BIN2: variants seen among roughly 807,000 people sequenced by gnomAD.
BIN2 encodes breast cancer associated protein BRAP1.
A neutral mutation model predicts 67.9 loss-of-function variants in BIN2; 43 were observed. The observed-to-expected ratio is 0.63, with a 90% CI of 0.50 to 0.82. The LOEUF (loss-of-function observed/expected upper bound fraction) is 0.82. Among genes scored for constraint, BIN2 ranks in the 40% least tolerant of loss-of-function variants. BIN2 has a pLI of 0.00. For synonymous variants in BIN2, 244 were observed against 246.8 expected (o/e 0.99, Z 0.11); for missense variants, 581 against 671.6 (o/e 0.87, Z 1.49).
chr12:51,294,319 A>C (rs1945473317), intron 9 of BIN2, among the ~76,000 whole-genome samples: 1 of 152,354 alleles, frequency 6.6e-6, no homozygotes, highest in African/African-American at 2.4e-5. Context: ...CGGTAATCCC[A>C]GCACTCTGGG....
intron 11 of BIN2, among the ~76,000 whole-genome samples, chr12:51,287,009 A>G (rs1159842101): frequency 6.6e-6 from 1 of 151,916 alleles, no homozygotes; most frequent in Non-Finnish European, 1.5e-5. Flanking sequence ...TTTTGTAGAG[A>G]TGGGTTTTTC....
chr12:51,300,314 C>T (rs1255982000), intron 5 of BIN2, among the ~76,000 whole-genome samples: 1 of 151,920 alleles, frequency 6.6e-6, no homozygotes, highest in African/African-American at 2.4e-5. Context: ...CTCCACCTCC[C>T]GCTGTATTAA....
chr12:51,317,937 G>A (rs1001145322), intron 1 of BIN2, among the ~76,000 whole-genome samples: 4 of 152,190 alleles, frequency 2.6e-5, no homozygotes, highest in South Asian at 2.1e-4. Flanking sequence ...GCAGTGACCC[G>A]AGATAGCGCC....
At chr12:51,301,905 C>T in intron 5 of BIN2, 115 bp downstream of exon 5, 1 of 727,506 alleles carries the variant, frequency 1.4e-6, no homozygotes, top group Non-Finnish European at 2.3e-6. Context: ...TCCTAACTTA[C>T]CCAAACTTCA....
chr12:51,288,030 C>A (rs1945283917), intron 11 of BIN2, 78 bp downstream of exon 11: 3 of 1,065,956 alleles, frequency 2.8e-6, no homozygotes, highest in Non-Finnish European at 4.2e-6. Flanking sequence ...GAAAGATATA[C>A]TTCTGGAAAA....
At chr12:51,311,772 A>ATTT (rs146519794) in intron 2 of BIN2, among the ~76,000 whole-genome samples, 105 of 151,308 alleles carry the variant, frequency 6.9e-4, no homozygotes, top group Non-Finnish European at 1.3e-3. Context: ...ATTGATAATG[A>ATTT]ATTTTTTTTT....
intron 1 of BIN2, among the ~76,000 whole-genome samples, chr12:51,314,871 G>C (rs1946082062): frequency 6.6e-6 from 1 of 151,622 alleles, no homozygotes; most frequent in African/African-American, 2.4e-5. Context: ...TATTTTATTT[G>C]AGACAGGGTC....
At chr12:51,286,248 C>T (rs1028799393) in intron 11 of BIN2, among the ~76,000 whole-genome samples, 9 of 152,082 alleles carry the variant, frequency 5.9e-5, no homozygotes, top group African/African-American at 1.7e-4. Flanking sequence ...GGGAAGTGAG[C>T]ATACACAGGC....
intron 2 of BIN2, among the ~76,000 whole-genome samples, chr12:51,313,211 G>GAAGGAAGT (rs1946039167): frequency 7.1e-6 from 1 of 140,334 alleles, no homozygotes; most frequent in African/African-American, 2.5e-5. Context: ...AGGAAGGAAG[G>GAAGGAAGT]AAGGAAGGAA....
rs1183266734 is a variant in BIN2, at chr12:51,295,575, AAAATATATATATATATATATATAT to A, written c.761+197_761+220del. Among the ~76,000 whole-genome samples, 28 of 18,274 alleles carry A rather than the reference AAAATATATATATATATATATATAT, an allele frequency of 1.5e-3. 2 individuals carry two copies. The highest frequency in any genetic ancestry group is 4.7e-3 in the African/African-American group (21 of 4,456). 12.0% of individuals were successfully genotyped at this position (18,274 alleles called of 152,430 possible). On this transcript the variant is annotated intron_variant, in intron 9 of 12. Coordinates refer to ENST00000615107, the MANE Select transcript of BIN2 (RefSeq NM_016293.4). ...GAGACTCCGTCTCAAAAAAAAAAAAAAAATATATATATATATATATATATATATATATATATATATATATATATA... is the reference window on the plus strand; with the variant it reads ...GAGACTCCGTCTCAAAAAAAAAAAAAATATATATATATATATATATATATA...
In BIN2 at chr12:51,317,302, G is replaced by A. The variant is rs1482491527; in HGVS notation, c.82-3399C>T. Among the ~76,000 whole-genome samples the A allele has an allele frequency of 2.0e-5, 3 of 152,228 alleles. No individual in the cohort carries two copies. In the South Asian group the frequency reaches 6.2e-4, roughly 32 times the overall value. ...TATTTAATAATTGTAACAGGAAGGA[G>A]AGTAAGACTGATCTAGGAGAGGATA... On this transcript the variant is annotated intron_variant, in intron 1 of 12. Transcript: ENST00000615107.
Position 51,324,061 on chromosome 12 carries a change from G to T in BIN2, c.42C>A (p.Ala14=). 6.2e-7 allele frequency: 1 copy of T among 1,613,550 alleles called. No individual in the cohort carries two copies. The highest frequency in any genetic ancestry group is 2.2e-5 in the East Asian group (1 of 44,820). Residue 14 remains alanine (A), a synonymous_variant, in exon 1 of 13, where the codon GCC becomes GCA. Transcript: ENST00000615107. ...GKAGGAAGLF[A]KQVQKKFSRA... ...TGCTAAACTTCTTCTGCACCTGCTT[G>T]GCGAAGAGGCCGGCCGCGCCGCCTG...
At chr12:51,314,675 T>G (rs1211610176) in intron 1 of BIN2, among the ~76,000 whole-genome samples, 1 of 151,836 alleles carries the variant, frequency 6.6e-6, no homozygotes, top group East Asian at 2.0e-4. Flanking sequence ...GGTGCATGCC[T>G]GTAATCCCAG....
At chr12:51,302,557 G>C in intron 4 of BIN2, 129 bp downstream of exon 4, 1 of 772,868 alleles carries the variant, frequency 1.3e-6, no homozygotes, top group Admixed American at 2.2e-5. Flanking sequence ...CAGTGACTGA[G>C]GCTACACAAA....
intron 9 of BIN2, among the ~76,000 whole-genome samples, 170 bp downstream of exon 9, chr12:51,295,625 TA>T (rs1945544300): frequency 9.1e-6 from 1 of 109,310 alleles, no homozygotes; most frequent in African/African-American, 3.9e-5. Context: ...TATATATATA[TA>T]TATATTTAGT....
intron 12 of BIN2, among the ~76,000 whole-genome samples, chr12:51,283,589 T>G (rs1386511831): frequency 2.6e-5 from 4 of 152,164 alleles, no homozygotes; most frequent in African/African-American, 9.7e-5. Context: ...CTGGAACTAC[T>G]ACAGGCACAT....
Position 51,324,019 on chromosome 12 carries a change from T to A in BIN2, c.81+3A>T. 6.2e-7 allele frequency: 1 copy of A among 1,612,654 alleles called. No individual in the cohort carries two copies. Among genetic ancestry groups the A allele is most frequent in the East Asian group, 2.2e-5 (1 of 44,738 alleles). ...AGACAGACAGCGAGGCCCGGCCACCTACCTTCTCCTGGGCCCTGCTAAACT... is the reference window on the plus strand; with the variant it reads ...AGACAGACAGCGAGGCCCGGCCACCAACCTTCTCCTGGGCCCTGCTAAACT... On this transcript the variant is annotated splice_donor_region_variant and intron_variant, in intron 1 of 12. Transcript: ENST00000615107.
chr12:51,317,913 G>A (rs867456271), intron 1 of BIN2, among the ~76,000 whole-genome samples: 4 of 152,104 alleles, frequency 2.6e-5, no homozygotes, highest in East Asian at 1.9e-4. Flanking sequence ...GCATGAACCC[G>A]GGAGGCGGAG....
intron 8 of BIN2, among the ~76,000 whole-genome samples, chr12:51,296,080 G>A (rs997860241): frequency 6.6e-6 from 1 of 152,028 alleles, no homozygotes; most frequent in Non-Finnish European, 1.5e-5. Flanking sequence ...TGTGTTCTAA[G>A]TTCTGCCTCT....
Sources: allele counts gnomAD v4.1 joint callset (sites outside exome capture counted in the v4.1 genomes callset), GRCh38; gene constraint gnomAD v4.1.1; transcripts MANE v1.5; gene names NCBI Gene and HGNC (gene_info 2026-07-23, HGNC 2026-07-21).